The following MYRIP variants were observed in gnomAD, a reference collection of about 807,000 sequenced individuals.
MYRIP encodes the protein rab effector MyRIP.
In MYRIP, 49 loss-of-function variants were observed where a neutral mutation model predicts 98.0. That is an observed-to-expected ratio of 0.50 (90% CI 0.40 to 0.63). MYRIP has a LOEUF of 0.63. MYRIP is among the 30% of genes least tolerant of loss of function. The pLI is 0.00. For missense variants in MYRIP, 1,004 were observed against 1,058.2 expected (o/e 0.95, Z 0.71); for synonymous variants, 404 against 409.5 (o/e 0.99, Z 0.16).
At chr3:40,023,882 C>A (rs1280983094) in intron 2 of MYRIP, among the ~76,000 whole-genome samples, 1 of 152,068 alleles carries the variant, frequency 6.6e-6, no homozygotes, top group Non-Finnish European at 1.5e-5. Flanking sequence ...GTAGTGTGTG[C>A]CCATTTTCAC....
At chr3:39,819,830 A>G (rs1333627133) in intron 1 of MYRIP, among the ~76,000 whole-genome samples, 1 of 152,234 alleles carries the variant, frequency 6.6e-6, no homozygotes, top group African/African-American at 2.4e-5. Context: ...GAACTTTATG[A>G]AACTGTGTGC....
At chr3:40,157,060 C>T (rs1466057588) in intron 4 of MYRIP, among the ~76,000 whole-genome samples, 3 of 150,780 alleles carry the variant, frequency 2.0e-5, no homozygotes, top group Non-Finnish European at 4.4e-5. Context: ...AGAGGGCATC[C>T]CTGTCTTGTG....
chr3:40,225,959 A>G (rs1368596289), intron 11 of MYRIP, among the ~76,000 whole-genome samples: 2 of 152,210 alleles, frequency 1.3e-5, no homozygotes, highest in South Asian at 2.1e-4. Flanking sequence ...CTGGATGTCC[A>G]CTGTCCCTAA....
intron 4 of MYRIP, among the ~76,000 whole-genome samples, chr3:40,157,999 G>C (rs936294296): frequency 2.6e-5 from 4 of 151,958 alleles, no homozygotes; most frequent in African/African-American, 9.7e-5. Flanking sequence ...ATTTCCTTCA[G>C]TTCTGCTCTG....
intron 1 of MYRIP, among the ~76,000 whole-genome samples, chr3:39,829,618 T>C (rs1332864920): frequency 1.8e-4 from 27 of 152,334 alleles, no homozygotes; most frequent in Non-Finnish European, 2.6e-4. Flanking sequence ...GCACATCGTG[T>C]GTTGGCTAAC....
chr3:40,047,538 G>T (rs1947696208), intron 3 of MYRIP, among the ~76,000 whole-genome samples: 1 of 152,190 alleles, frequency 6.6e-6, no homozygotes, highest in Non-Finnish European at 1.5e-5. Context: ...GCAGAAAGGG[G>T]ATGCTGAGGA....
chr3:39,878,387 G>T (rs963547046), intron 1 of MYRIP, among the ~76,000 whole-genome samples: 10 of 152,196 alleles, frequency 6.6e-5, no homozygotes, highest in Non-Finnish European at 7.3e-5. Context: ...TCACTAGTGA[G>T]ATGAAGCCGG....
At chr3:39,823,637 C>T (rs150596312) in intron 1 of MYRIP, among the ~76,000 whole-genome samples, 127 of 152,238 alleles carry the variant, frequency 8.3e-4, no homozygotes, top group African/African-American at 2.7e-3. Context: ...ATTTGTGGAA[C>T]ATTTACATAT....
chr3:39,875,293 T>C (rs1177776863), intron 1 of MYRIP, among the ~76,000 whole-genome samples: 1 of 152,164 alleles, frequency 6.6e-6, no homozygotes, highest in Non-Finnish European at 1.5e-5. Flanking sequence ...AAAAAGCAGC[T>C]CCTGGATTCC....
intron 2 of MYRIP, among the ~76,000 whole-genome samples, chr3:39,974,849 AC>A (rs201984597): frequency 0.011 from 1,663 of 152,172 alleles, 21 homozygotes; most frequent in African/African-American, 0.037. Flanking sequence ...AAATTCAACA[AC>A]CCTTCATGCT....
intron 3 of MYRIP, among the ~76,000 whole-genome samples, chr3:40,117,517 C>T (rs1949310147): frequency 2.0e-5 from 3 of 152,192 alleles, no homozygotes; most frequent in African/African-American, 7.2e-5. Context: ...ATTTTATTCA[C>T]TACTCATGTC....
intron 8 of MYRIP, among the ~76,000 whole-genome samples, chr3:40,179,399 T>C (rs571357710): frequency 6.6e-6 from 1 of 152,198 alleles, no homozygotes; most frequent in Non-Finnish European, 1.5e-5. Flanking sequence ...AGAGAGGGAC[T>C]TTTCATTTGT....
intron 2 of MYRIP, among the ~76,000 whole-genome samples, chr3:39,943,583 A>C (rs1031063786): frequency 6.6e-6 from 1 of 152,114 alleles, no homozygotes; most frequent in Non-Finnish European, 1.5e-5. Context: ...CCAGTAGAAG[A>C]ACACTGTCCT....
At chr3:40,195,897 T>C (rs1951374290) in intron 10 of MYRIP, among the ~76,000 whole-genome samples, 1 of 152,128 alleles carries the variant, frequency 6.6e-6, no homozygotes, top group South Asian at 2.1e-4. Context: ...CTTTATAGAT[T>C]TCTTCTTTGG....
chr3:40,026,405 G>T (rs1357028152), intron 2 of MYRIP, among the ~76,000 whole-genome samples: 1 of 152,006 alleles, frequency 6.6e-6, no homozygotes, highest in African/African-American at 2.4e-5. Flanking sequence ...CAGATTTCAT[G>T]TTGTTCAAAC....
intron 2 of MYRIP, among the ~76,000 whole-genome samples, chr3:39,915,050 C>A (rs545156193): frequency 1.3e-5 from 2 of 152,128 alleles, no homozygotes; most frequent in South Asian, 4.1e-4. Context: ...CATGGAAGAA[C>A]AAAGGCCTTA....
At chr3:40,160,579 G>C (rs557622958) in intron 4 of MYRIP, among the ~76,000 whole-genome samples, 1 of 152,172 alleles carries the variant, frequency 6.6e-6, no homozygotes, top group Non-Finnish European at 1.5e-5. Context: ...AATGGCGGGC[G>C]CCCCTCCCCC....
intron 11 of MYRIP, 69 bp downstream of exon 11, chr3:40,210,162 A>G: frequency 6.5e-7 from 1 of 1,537,492 alleles, no homozygotes; most frequent in Non-Finnish European, 8.7e-7. Flanking sequence ...AAGATCCTAT[A>G]TTGGTGCAGA....
intron 2 of MYRIP, among the ~76,000 whole-genome samples, chr3:40,032,640 G>A (rs1947286775): frequency 6.6e-6 from 1 of 152,080 alleles, no homozygotes; most frequent in African/African-American, 2.4e-5. Flanking sequence ...TCTACCAGAG[G>A]TACAAGGAGG....
Sources: allele counts gnomAD v4.1 joint callset (sites outside exome capture counted in the v4.1 genomes callset), GRCh38; gene constraint gnomAD v4.1.1; transcripts MANE v1.5; gene names NCBI Gene and HGNC (gene_info 2026-07-23, HGNC 2026-07-21).